PNPLA6: variants seen among roughly 807,000 people sequenced by gnomAD.
PNPLA6 encodes patatin like domain 6, lysophospholipase.
In PNPLA6, 105 loss-of-function variants were observed where a neutral mutation model predicts 153.7. The observed-to-expected ratio is 0.68, with a 90% CI of 0.58 to 0.80. The LOEUF (loss-of-function observed/expected upper bound fraction) is 0.80. Among genes scored for constraint, PNPLA6 ranks in the 30% least tolerant of loss-of-function variants. The pLI, the probability that PNPLA6 is intolerant of heterozygous loss-of-function variation, is 0.00. For synonymous variants in PNPLA6, 825 were observed against 822.2 expected, an observed-to-expected ratio of 1.00 and a Z score of -0.06; for missense variants, 1,423 against 1,919.3, an observed-to-expected ratio of 0.74 and a Z score of 4.83.
Position 7,557,188 on chromosome 19 carries a change from C to T in PNPLA6, c.3301C>T (p.Arg1101Cys), listed in dbSNP as rs2146110637. ...HKDGSLWRYV[R>C]ASMTLSGYLP... ...CGCAGGCTCCCTGTGGCGGTACGTGCGCGCCAGCATGACGCTGTCGGGCTA... is the reference window on the plus strand; with the variant it reads ...CGCAGGCTCCCTGTGGCGGTACGTGTGCGCCAGCATGACGCTGTCGGGCTA... The change falls in exon 27 of 32, where the codon CGC (arginine) becomes TGC (cysteine). Residue 1101 changes from arginine (R) to cysteine (C), a missense_variant. Transcript: ENST00000600737. The T allele has an allele frequency of 6.2e-7, 1 of 1,612,662 alleles. No individual in the cohort carries two copies. Among genetic ancestry groups the T allele is most frequent in the Non-Finnish European group, 8.5e-7 (1 of 1,179,480 alleles).
chr19:7,560,725 C>T lies in PNPLA6; in HGVS notation c.3777C>T (p.Asp1259=), dbSNP rs778580921. 5 of 1,613,704 alleles carry T rather than the reference C, an allele frequency of 3.1e-6. No homozygotes were observed. Among genetic ancestry groups the T allele is most frequent in the Non-Finnish European group, 3.4e-6 (4 of 1,179,630 alleles). The change falls in exon 29 of 32, where the codon GAC becomes GAT. Residue 1259 remains aspartate (D), a synonymous_variant. Coordinates refer to ENST00000600737, the MANE Select transcript of PNPLA6 (RefSeq NM_001166114.2). ...ACGTCATTGAGAAAATGCTCACAGA[C>T]CGGCGGTCTACAGACCTTAATGAGA... The part of the protein sequence containing the change: ...RGNVIEKMLT[D]RRSTDLNESR...
In PNPLA6 at chr19:7,551,565, G is replaced by A. The variant is rs2303177; in HGVS notation, c.2260+128G>A. 59,231 of 819,386 alleles carry A rather than the reference G, an allele frequency of 0.072. 4,263 individuals carry two copies. Among genetic ancestry groups the A allele is most frequent in the African/African-American group, 0.26 (15,337 of 59,182 alleles). 50.8% of individuals were successfully genotyped at this position (819,386 alleles called of 1,614,324 possible). ...TCCGCGAAGAAATCGTGCCCCTGAG[G>A]GTTTCAAACCCTAAGTAGGACCCAG... is the stretch of plus-strand genomic sequence containing the variant. On this transcript the variant is annotated intron_variant, in intron 18 of 31. Coordinates refer to ENST00000600737, the MANE Select transcript of PNPLA6 (RefSeq NM_001166114.2).
At chr19:7,551,470 G>C in intron 18 of PNPLA6, 33 bp downstream of exon 18, 1 of 1,554,824 alleles carries the variant, frequency 6.4e-7, no homozygotes, top group Non-Finnish European at 8.9e-7. Context: ...CGTGCTGGGA[G>C]ATGTAGTCCG....
At chr19:7,536,633 T>C (rs1329991304) in intron 3 of PNPLA6, 87 bp downstream of exon 3, 4 of 904,812 alleles carry the variant, frequency 4.4e-6, no homozygotes, top group African/African-American at 1.6e-5. Flanking sequence ...GTTGTGGAAG[T>C]CTTCCCATAT....
chr19:7,554,803 A>G, intron 21 of PNPLA6, 80 bp downstream of exon 21: 1 of 1,587,706 alleles, frequency 6.3e-7, no homozygotes, highest in South Asian at 1.1e-5. Flanking sequence ...GGCCACGTGC[A>G]CCCTCGCCAT....
chr19:7,560,883 C>A (rs1380225635), intron 29 of PNPLA6, 119 bp downstream of exon 29: 1 of 854,330 alleles, frequency 1.2e-6, no homozygotes, highest in African/African-American at 1.7e-5. Flanking sequence ...GCTGAGCTCT[C>A]AGACCTCTGC....
intron 21 of PNPLA6, 72 bp downstream of exon 21, chr19:7,554,795 C>T: frequency 6.3e-7 from 1 of 1,589,300 alleles, no homozygotes; most frequent in Non-Finnish European, 8.5e-7. Flanking sequence ...CTGCACCAGG[C>T]CACGTGCACC....
upstream of PNPLA6, chr19:7,534,172 C>A (rs982520735): frequency 2.9e-5 from 11 of 375,894 alleles, no homozygotes; most frequent in African/African-American, 2.1e-4. Context: ...TTAAAGGGGC[C>A]GTGCCTGCGG....
chr19:7,555,524 G>A lies in PNPLA6; in HGVS notation c.2937-83G>A, dbSNP rs2023839814. ...GGGGCGGGTCCTTTGTTCCTTAGCA[G>A]TGCGGGAGGTGGGAGGAGGTAGGGG... is the stretch of plus-strand genomic sequence containing the variant. On this transcript the variant is annotated intron_variant, in intron 23 of 31. Coordinates refer to ENST00000600737, the MANE Select transcript of PNPLA6 (RefSeq NM_001166114.2). The surrounding 1 kb of genome is among the most constrained non-coding windows in gnomAD (Gnocchi z 6.3). 1.3e-6 allele frequency: 2 copies of A among 1,505,134 alleles called. No homozygotes were observed. Among genetic ancestry groups the A allele is most frequent in the Non-Finnish European group, 1.8e-6 (2 of 1,102,656 alleles). 93.2% of individuals were successfully genotyped at this position (1,505,134 alleles called of 1,614,324 possible). A position where few individuals can be genotyped will look rare whatever the true frequency, so the allele number is the denominator to read the frequency against.
intron 13 of PNPLA6, among the ~76,000 whole-genome samples, chr19:7,549,335 C>T (rs1228263435): frequency 2.7e-5 from 4 of 150,116 alleles, no homozygotes; most frequent in Non-Finnish European, 3.0e-5. Context: ...TACAGGCGCC[C>T]GCCACCACAC....
intron 13 of PNPLA6, among the ~76,000 whole-genome samples, chr19:7,546,117 G>T (rs2023376592): frequency 6.6e-6 from 1 of 152,094 alleles, no homozygotes; most frequent in Non-Finnish European, 1.5e-5. Context: ...ACCTAAGAAG[G>T]AAGGAGGGGG....
rs1296396230 is a variant in PNPLA6, at chr19:7,550,502, T to G, written c.1947-15T>G. Reference sequence around the variant, plus strand: ...TGGGGGTGGTCAGACCTTGCTGACCTCCACGCCCACTCAGGCAGGGCGACC... The same window carrying G: ...TGGGGGTGGTCAGACCTTGCTGACCGCCACGCCCACTCAGGCAGGGCGACC... On this transcript the variant is annotated splice_polypyrimidine_tract_variant and intron_variant, in intron 15 of 31. Coordinates refer to ENST00000600737, the MANE Select transcript of PNPLA6 (RefSeq NM_001166114.2). 1 of 1,612,898 alleles carries G rather than the reference T, an allele frequency of 6.2e-7. No individual in the cohort carries two copies. The highest frequency in any genetic ancestry group is 2.2e-5 in the East Asian group (1 of 44,866).
At chr19:7,538,447 T>C (rs1020447390) in intron 3 of PNPLA6, among the ~76,000 whole-genome samples, 16 of 152,166 alleles carry the variant, frequency 1.1e-4, no homozygotes, top group African/African-American at 3.6e-4. Context: ...CCTCCCAAAG[T>C]GCTGGTATTA....
At position 7,555,746 on chromosome 19, in the gene PNPLA6, G is replaced by T; in HGVS notation, c.3076G>T (p.Ala1026Ser). Residue 1026 changes from alanine to serine, a missense_variant, in exon 24 of 32, where the codon GCC (alanine) becomes TCC (serine). Coordinates refer to ENST00000600737, the MANE Select transcript of PNPLA6 (RefSeq NM_001166114.2). This position sits in a 1 kb window ranked among gnomAD's most constrained non-coding sequence, Gnocchi z 6.3. The stretch of plus-strand genomic sequence containing the variant: ...CAGCGCCAGCCGCACGAAGCAGCGG[G>T]CCCGGGAGTGGGCCAAGGTGTGTGT... Reference protein sequence around the residue: ...ERSASRTKQRAREWAKSMTSV... With the variant: ...ERSASRTKQRSREWAKSMTSV... 6.2e-7 allele frequency: 1 copy of T among 1,613,716 alleles called. No homozygotes were observed. Among genetic ancestry groups the T allele is most frequent in the African/African-American group, 1.3e-5 (1 of 75,028 alleles).
Position 7,561,291 on chromosome 19 carries a change from G to T in PNPLA6, c.3997G>T (p.Ala1333Ser). ...GGATGAAGGGGGGTCCCCCGAGGGC[G>T]CAAGCCCCAGCACTGCCTCCGAGAT... The part of the protein sequence containing the change: ...SRDEGGSPEG[A>S]SPSTASEMEE... Residue 1333 changes from alanine to serine, a missense_variant, in exon 31 of 32, where the codon GCA becomes TCA. Ala to Ser is a moderately conservative substitution (Grantham distance 99). Coordinates refer to ENST00000600737, the MANE Select transcript of PNPLA6 (RefSeq NM_001166114.2). 1 of 1,605,872 alleles carries T rather than the reference G, an allele frequency of 6.2e-7. No homozygotes were observed. Among genetic ancestry groups the T allele is most frequent in the Non-Finnish European group, 8.5e-7 (1 of 1,177,072 alleles).
Position 7,555,765 on chromosome 19 carries a change from T to G in PNPLA6, c.3093+2T>G. The G allele has an allele frequency of 6.2e-7, 1 of 1,613,010 alleles. No homozygotes were observed. Among genetic ancestry groups the G allele is most frequent in the Non-Finnish European group, 8.5e-7 (1 of 1,179,770 alleles). On this transcript the variant is annotated splice_donor_variant, in intron 24 of 31. Coordinates refer to ENST00000600737, the MANE Select transcript of PNPLA6 (RefSeq NM_001166114.2). LOFTEE classifies it high-confidence loss of function. This position sits in a 1 kb window ranked among gnomAD's most constrained non-coding sequence, Gnocchi z 6.3. ...CAGCGGGCCCGGGAGTGGGCCAAGG[T>G]GTGTGTTGCGAGGAGGGATTGCTGC...
In PNPLA6 at chr19:7,555,506, G is replaced by C; in HGVS notation, c.2937-101G>C. 1.4e-6 allele frequency: 2 copies of C among 1,438,958 alleles called. No individual in the cohort carries two copies. Among genetic ancestry groups the C allele is most frequent in the East Asian group, 4.8e-5 (2 of 41,952 alleles). The allele number at this position is 1,438,958 out of a possible 1,614,324, so 89.1% of individuals were successfully genotyped here. On this transcript the variant is annotated intron_variant, in intron 23 of 31. Coordinates refer to ENST00000600737, the MANE Select transcript of PNPLA6 (RefSeq NM_001166114.2). This position sits in a 1 kb window ranked among gnomAD's most constrained non-coding sequence, Gnocchi z 6.3. ...GGAGAGACCCCGTGGGTAGGGGCGGGTCCTTTGTTCCTTAGCAGTGCGGGA... is the reference window on the plus strand; with the variant it reads ...GGAGAGACCCCGTGGGTAGGGGCGGCTCCTTTGTTCCTTAGCAGTGCGGGA...
chr19:7,540,413 G>T lies in PNPLA6; in HGVS notation c.714+105G>T. 3 of 1,321,296 alleles carry T rather than the reference G, an allele frequency of 2.3e-6. No homozygotes were observed. The highest frequency in any genetic ancestry group is 1.4e-5 in the African/African-American group (1 of 69,750). 81.8% of individuals were successfully genotyped at this position (1,321,296 alleles called of 1,614,324 possible). ...GGTCTTTGGAGATGCGTCATCGGGAGTCAGGGGAACGGGTGACCGAGGACA... is the reference window on the plus strand; with the variant it reads ...GGTCTTTGGAGATGCGTCATCGGGATTCAGGGGAACGGGTGACCGAGGACA... On this transcript the variant is annotated intron_variant, in intron 5 of 31. Coordinates refer to ENST00000600737, the MANE Select transcript of PNPLA6 (RefSeq NM_001166114.2). The surrounding 1 kb of genome is among the most constrained non-coding windows in gnomAD (Gnocchi z 6.8).
rs138023728 is a variant in PNPLA6, at chr19:7,550,418, C to T, written c.1935C>T (p.Arg645=). The T allele has an allele frequency of 1.9e-6, 3 of 1,611,430 alleles. No individual in the cohort carries two copies. Among genetic ancestry groups the T allele is most frequent in the East Asian group, 2.2e-5 (1 of 44,886 alleles). The change falls in exon 15 of 32, where the codon CGC becomes CGT. Residue 645 remains arginine (R), a synonymous_variant. Transcript: ENST00000600737. ...ACTGGACTGCAGTGGAGGCGGGACG[C>T]GCGCTGTACAGGTGCAGCTCCCACC... ...AIDWTAVEAG[R]ALYRQGDRSD... is the part of the protein sequence containing the mutation.
Sources: allele counts gnomAD v4.1 joint callset (sites outside exome capture counted in the v4.1 genomes callset), GRCh38; gene constraint gnomAD v4.1.1; non-coding constraint Gnocchi (gnomAD v3.1); transcripts MANE v1.5; gene names NCBI Gene and HGNC (gene_info 2026-07-23, HGNC 2026-07-21).